AFDN: variants seen among roughly 807,000 people sequenced by gnomAD.
AFDN encodes afadin.
Under a neutral mutation model 216.6 loss-of-function variants are expected in AFDN, and 68 were observed. That is an observed-to-expected ratio of 0.31 (90% CI 0.26 to 0.38). AFDN has a LOEUF of 0.38. Ranked by LOEUF, AFDN falls within the 10% of genes least tolerant of loss-of-function variation. The probability of loss-of-function intolerance (pLI) is 1.00; values close to 1 mark genes in which losing one functional copy is unlikely to be tolerated. For synonymous variants in AFDN, 868 were observed against 853.7 expected, an observed-to-expected ratio of 1.02 and a Z score of -0.29; for missense variants, 2,136 against 2,342.0, an observed-to-expected ratio of 0.91 and a Z score of 1.82.
At position 167,913,386 on chromosome 6, in the gene AFDN, C is replaced by T. The variant is rs1324067729; in HGVS notation, c.2038-17C>T. The T allele has an allele frequency of 4.6e-6, 7 of 1,535,648 alleles. No homozygotes were observed. The highest frequency in any genetic ancestry group is 1.4e-5 in the African/African-American group (1 of 73,116). ...TCTCTCGTTCTGCTTGATTTCCCCT[C>T]GTCTGTTTTTCTCCAGGAAGTAGAC... On this transcript the variant is annotated splice_polypyrimidine_tract_variant and intron_variant, in intron 15 of 33. Coordinates refer to ENST00000683244, the MANE Select transcript of AFDN (RefSeq NM_001386888.1).
At position 167,826,976 on chromosome 6, in the gene AFDN, G is replaced by C. The variant is rs1779142844; in HGVS notation, c.-157G>C. ...GGACTGAGCCCCAGGCGGAGGCCAA[G>C]TCGGAGGACGCGGCGCGGCCGCGGA... On this transcript the variant is annotated 5_prime_UTR_variant, in exon 1 of 34. Coordinates refer to ENST00000683244, the MANE Select transcript of AFDN (RefSeq NM_001386888.1). The C allele has an allele frequency of 6.2e-6, 1 of 161,108 alleles. No homozygotes were observed. Among genetic ancestry groups the C allele is most frequent in the African/African-American group, 2.4e-5 (1 of 40,944 alleles). 10.0% of individuals were successfully genotyped at this position (161,108 alleles called of 1,614,324 possible). A position where few individuals can be genotyped will look rare whatever the true frequency, so the allele number is the denominator to read the frequency against.
chr6:167,951,035 C>T lies in AFDN; in HGVS notation c.3832-151C>T. 2 of 1,191,946 alleles carry T rather than the reference C, an allele frequency of 1.7e-6. No individual in the cohort carries two copies. Among genetic ancestry groups the T allele is most frequent in the Non-Finnish European group, 2.2e-6 (2 of 892,894 alleles). The allele number at this position is 1,191,946 out of a possible 1,614,324, so 73.8% of individuals were successfully genotyped here. A position where few individuals can be genotyped will look rare whatever the true frequency, so the allele number is the denominator to read the frequency against. On this transcript the variant is annotated intron_variant, in intron 29 of 33. Coordinates refer to ENST00000683244, the MANE Select transcript of AFDN (RefSeq NM_001386888.1). This position sits in a 1 kb window ranked among gnomAD's most constrained non-coding sequence, Gnocchi z 7.1. ...TACACAGATAAATGCACTGTTACTC[C>T]ACATTAGCCAATGAGCCTTGTAGGG...
chr6:167,839,964 T>G (rs1178212536), intron 1 of AFDN, among the ~76,000 whole-genome samples: 1 of 152,162 alleles, frequency 6.6e-6, no homozygotes, highest in Non-Finnish European at 1.5e-5. Context: ...CACACTGTAC[T>G]AGCACAGTGG....
chr6:167,829,577 C>T (rs1450147484), intron 1 of AFDN, among the ~76,000 whole-genome samples: 5 of 152,044 alleles, frequency 3.3e-5, no homozygotes, highest in Non-Finnish European at 7.4e-5. Flanking sequence ...AACAAATTCA[C>T]TGCAGGAGTT....
At chr6:167,938,488 G>A (rs1398266689) in intron 23 of AFDN, among the ~76,000 whole-genome samples, 2 of 152,206 alleles carry the variant, frequency 1.3e-5, no homozygotes, top group Admixed American at 6.5e-5. Context: ...GCCAGAATTT[G>A]TCTGAAATTT....
intron 19 of AFDN, 56 bp downstream of exon 19, chr6:167,915,489 T>C: frequency 1.3e-6 from 2 of 1,536,674 alleles, no homozygotes; most frequent in South Asian, 2.6e-5. Flanking sequence ...GCATCTGATC[T>C]TTATGATGAG....
Position 167,911,132 on chromosome 6 carries a change from C to G in AFDN, c.1801C>G (p.Leu601Val). ...TQDASGPELILPASIEFRESS... is the reference protein window; with the variant it reads ...TQDASGPELIVPASIEFRESS... ...GGATGCTTCTGGGCCTGAGCTGATA[C>G]TACCTGCAAGCATTGAATTCAGGGA... The change falls in exon 14 of 34, where the codon CTA becomes GTA. Residue 601 changes from leucine to valine, a missense_variant. Physicochemically the swap from Leu to Val is conservative, Grantham distance 32 (BLOSUM62 1). Around this residue, in one of 8 missense-constraint regions of AFDN, gnomAD observed 817 missense variants for 965.7 expected, o/e 0.85. Transcript: ENST00000683244. 6.2e-7 allele frequency: 1 copy of G among 1,613,962 alleles called. No individual in the cohort carries two copies. Among genetic ancestry groups the G allele is most frequent in the Non-Finnish European group, 8.5e-7 (1 of 1,179,950 alleles).
chr6:167,909,499 A>T (rs911707678), intron 13 of AFDN, among the ~76,000 whole-genome samples: 1 of 152,016 alleles, frequency 6.6e-6, no homozygotes, highest in African/African-American at 2.4e-5. Flanking sequence ...AAAGTTTTTT[A>T]TTATCTATAT....
intron 1 of AFDN, among the ~76,000 whole-genome samples, chr6:167,828,643 CATG>C (rs1358962263): frequency 3.3e-5 from 5 of 152,030 alleles, no homozygotes; most frequent in Non-Finnish European, 2.9e-5. Flanking sequence ...AGAAAGGTGA[CATG>C]ATAATTTAGT....
chr6:167,943,876 G>T (rs1255556081), intron 25 of AFDN, 65 bp from the exon 26 acceptor site: 45 of 1,320,426 alleles, frequency 3.4e-5, no homozygotes, highest in Non-Finnish European at 4.9e-5. Flanking sequence ...TATAATCACA[G>T]CGATTCATGA....
intron 1 of AFDN, among the ~76,000 whole-genome samples, chr6:167,842,035 A>C (rs943662352): frequency 6.6e-6 from 1 of 151,824 alleles, no homozygotes; most frequent in Non-Finnish European, 1.5e-5. Flanking sequence ...GTAACTCTTC[A>C]TGTTTTGTCT....
intron 7 of AFDN, 115 bp downstream of exon 7, chr6:167,889,441 G>A (rs1583293236): frequency 1.4e-6 from 1 of 718,008 alleles, no homozygotes; most frequent in Non-Finnish European, 2.3e-6. Context: ...TGGCCTTGTT[G>A]TTGTTGTTGT....
chr6:167,898,596 TTTGGTTCCTATTGTTAAC>T, intron 11 of AFDN, 129 bp downstream of exon 11: 1 of 1,133,740 alleles, frequency 8.8e-7, no homozygotes, highest in Non-Finnish European at 1.2e-6. Context: ...AGTTTGTGAT[TTTGGTTCCTATTGTTAAC>T]TTGGGTTGGT....
At chr6:167,924,944 C>CT in intron 22 of AFDN, 61 bp from the exon 23 acceptor site, 1 of 1,166,254 alleles carries the variant, frequency 8.6e-7, no homozygotes, top group Non-Finnish European at 1.3e-6. Flanking sequence ...CATGAGTTGT[C>CT]TAACCATACA....
chr6:167,862,453 G>A lies in AFDN; in HGVS notation c.106-2098G>A, dbSNP rs569454493. 8.4e-4 allele frequency among the ~76,000 whole-genome samples: 127 copies of A among 151,994 alleles called. 1 individual carries two copies. The South Asian group carries it at 0.025, about 29-fold the overall frequency. On this transcript the variant is annotated intron_variant, in intron 1 of 33. Coordinates refer to ENST00000683244, the MANE Select transcript of AFDN (RefSeq NM_001386888.1). ...TGCAGTGGCGCGATCTTGGCTGACT[G>A]CAACCTCCACCTCCTGGGTTCAAGC...
chr6:167,892,784 T>C (rs934994161), intron 8 of AFDN, among the ~76,000 whole-genome samples: 1 of 152,220 alleles, frequency 6.6e-6, no homozygotes, highest in African/African-American at 2.4e-5. Context: ...TTCATACTTA[T>C]AGTCTCTCAG....
chr6:167,861,446 G>T (rs1783561103), intron 1 of AFDN, among the ~76,000 whole-genome samples: 1 of 152,124 alleles, frequency 6.6e-6, no homozygotes. Flanking sequence ...GCCTGATGAG[G>T]ACACCAGTAT....
intron 18 of AFDN, 54 bp from the exon 19 acceptor site, chr6:167,915,114 G>T: frequency 1.3e-6 from 2 of 1,587,064 alleles, no homozygotes; most frequent in South Asian, 2.3e-5. Flanking sequence ...ACATTCAAAG[G>T]CTTCTTCCTG....
At chr6:167,966,837 C>T (rs1021374118) in intron 32 of AFDN, among the ~76,000 whole-genome samples, 2 of 152,202 alleles carry the variant, frequency 1.3e-5, no homozygotes, top group Non-Finnish European at 1.5e-5. Context: ...CAGGCTGCCT[C>T]ACGCCAGGGT....
Sources: allele counts gnomAD v4.1 joint callset (sites outside exome capture counted in the v4.1 genomes callset), GRCh38; gene constraint gnomAD v4.1.1; regional missense constraint gnomAD v4.1.1; non-coding constraint Gnocchi (gnomAD v3.1); transcripts MANE v1.5; gene names NCBI Gene and HGNC (gene_info 2026-07-23, HGNC 2026-07-21).